The following PSMG2 variants were observed in gnomAD, a reference collection of about 807,000 sequenced individuals.
The protein encoded by PSMG2 is proteasome assembly chaperone 2, also known as CD40 ligand-activated specific transcript 3.
A neutral mutation model predicts 31.5 loss-of-function variants in PSMG2; 21 were observed. The ratio of observed to expected loss-of-function variants is 0.67; its 90% CI spans 0.47 to 0.96. The LOEUF is 0.96. Ranked by LOEUF, PSMG2 falls within the 40% of genes least tolerant of loss-of-function variation. The pLI, the probability that PSMG2 is intolerant of heterozygous loss-of-function variation, is 0.00. For missense variants in PSMG2, 318 were observed against 321.2 expected, an observed-to-expected ratio of 0.99 and a Z score of 0.08; for synonymous variants, 120 against 110.4, an observed-to-expected ratio of 1.09 and a Z score of -0.54.
chr18:12,675,134 C>T (rs968782149), intron 1 of PSMG2, among the ~76,000 whole-genome samples: 1 of 152,138 alleles, frequency 6.6e-6, no homozygotes, highest in African/African-American at 2.4e-5. Flanking sequence ...CGGTGGCTCA[C>T]GCCTGTAATC....
In PSMG2 at chr18:12,720,698, C is replaced by G. The variant is rs1326696658; in HGVS notation, c.581+15C>G. The stretch of plus-strand genomic sequence containing the variant: ...TATGATGAAAGGTGAGTTTGTTTGC[C>G]TGTTCATTTGTTTCCCACTTTACTT... On this transcript the variant is annotated intron_variant, in intron 5 of 6. Coordinates refer to ENST00000317615, the MANE Select transcript of PSMG2 (RefSeq NM_020232.5). 1.9e-6 allele frequency: 3 copies of G among 1,603,038 alleles called. No homozygotes were observed. The highest frequency in any genetic ancestry group is 1.7e-5 in the Admixed American group (1 of 57,298).
At chr18:12,699,316 A>T (rs756889849), upstream of PSMG2, 7 of 697,754 alleles carry the variant, frequency 1.0e-5, no homozygotes, top group Admixed American at 5.9e-5. Flanking sequence ...AAAGACTAAA[A>T]AAAAAGCAAA....
chr18:12,720,450 G>C, intron 4 of PSMG2, 60 bp from the exon 5 acceptor site: 1 of 1,352,412 alleles, frequency 7.4e-7, no homozygotes, highest in Non-Finnish European at 1.0e-6. Context: ...GAGAATTTTA[G>C]CTAAAGAACC....
chr18:12,716,409 T>C (rs2145145835), intron 3 of PSMG2, among the ~76,000 whole-genome samples: 1 of 151,302 alleles, frequency 6.6e-6, no homozygotes, highest in African/African-American at 2.4e-5. Flanking sequence ...TTTTTTTTTT[T>C]TTGAGACGGA....
chr18:12,674,443 A>T, intron 1 of PSMG2: 5 of 172,660 alleles, frequency 2.9e-5, no homozygotes, highest in African/African-American at 3.6e-5. Flanking sequence ...CCTTGAGTTA[A>T]AAAAAAAAAA....
At chr18:12,701,308 T>C (rs970825476), upstream of PSMG2, among the ~76,000 whole-genome samples, 1 of 152,192 alleles carries the variant, frequency 6.6e-6, no homozygotes, top group African/African-American at 2.4e-5. Context: ...ATCTGGCACC[T>C]TTGTTACCAT....
At chr18:12,681,827 C>T (rs1271812048) in intron 1 of PSMG2, among the ~76,000 whole-genome samples, 1 of 151,500 alleles carries the variant, frequency 6.6e-6, no homozygotes. Flanking sequence ...TTATAAAGAC[C>T]TATAAAAAAA....
intron 5 of PSMG2, among the ~76,000 whole-genome samples, chr18:12,722,107 A>C (rs1032158082): frequency 6.6e-6 from 1 of 151,914 alleles, no homozygotes; most frequent in South Asian, 2.1e-4. Flanking sequence ...CTCCCACTGC[A>C]CTCCACCTCT....
At position 12,725,487 on chromosome 18, in the gene PSMG2, T is replaced by A; in HGVS notation, c.751T>A (p.Trp251Arg). ...SASRWKIPSS[W>R]RLLFGSGLPP... ...CTCACGGTGGAAAATACCAAGTTCTTGGAGATTACTCTTTGGCAGTGGTCT... is the reference window on the plus strand; with the variant it reads ...CTCACGGTGGAAAATACCAAGTTCTAGGAGATTACTCTTTGGCAGTGGTCT... The change falls in exon 7 of 7, where the codon TGG becomes AGG. Residue 251 changes from tryptophan to arginine, a missense_variant. Trp to Arg is a moderately radical substitution (Grantham distance 101). Transcript: ENST00000317615. 1.2e-6 allele frequency: 2 copies of A among 1,607,416 alleles called. No individual in the cohort carries two copies. The highest frequency in any genetic ancestry group is 1.7e-6 in the Non-Finnish European group (2 of 1,174,074).
At chr18:12,707,205 G>T (rs371825161) in intron 2 of PSMG2, among the ~76,000 whole-genome samples, 1 of 152,070 alleles carries the variant, frequency 6.6e-6, no homozygotes, top group African/African-American at 2.4e-5. Flanking sequence ...TGATCCAACC[G>T]CCTCAGCCTT....
At chr18:12,662,894 C>G (rs1045003810) in intron 1 of PSMG2, among the ~76,000 whole-genome samples, 1 of 152,164 alleles carries the variant, frequency 6.6e-6, no homozygotes, top group Admixed American at 6.6e-5. Context: ...AAGCAATAAT[C>G]ACGTTTCACC....
intron 1 of PSMG2, among the ~76,000 whole-genome samples, chr18:12,704,942 G>C (rs1294593164): frequency 6.6e-6 from 1 of 152,138 alleles, no homozygotes; most frequent in Non-Finnish European, 1.5e-5. Context: ...GTTGTTGGAA[G>C]AATGCAAAGG....
intron 1 of PSMG2, among the ~76,000 whole-genome samples, chr18:12,696,130 GAA>G (rs1338649228): frequency 1.3e-5 from 2 of 152,090 alleles, no homozygotes; most frequent in Non-Finnish European, 2.9e-5. Flanking sequence ...TATTGTTTTT[GAA>G]AATAAATTTC....
At chr18:12,693,509 G>A (rs945549494) in intron 1 of PSMG2, among the ~76,000 whole-genome samples, 3 of 152,096 alleles carry the variant, frequency 2.0e-5, no homozygotes, top group African/African-American at 7.2e-5. Context: ...ATAAATATAT[G>A]AATAACATGA....
chr18:12,707,139 A>C (rs971799694), intron 2 of PSMG2, among the ~76,000 whole-genome samples: 2 of 152,158 alleles, frequency 1.3e-5, no homozygotes, highest in Admixed American at 1.3e-4. Flanking sequence ...GTATTTTTTT[A>C]GTAGAGACGG....
intron 3 of PSMG2, 124 bp downstream of exon 3, chr18:12,712,884 C>A: frequency 3.2e-6 from 2 of 620,232 alleles, no homozygotes; most frequent in Non-Finnish European, 5.4e-6. Flanking sequence ...TCTGATTCTA[C>A]AGAGAAATAA....
chr18:12,672,881 T>A (rs2038983004), intron 1 of PSMG2: 1 of 985,340 alleles, frequency 1.0e-6, no homozygotes, highest in African/African-American at 1.7e-5. Flanking sequence ...ACCACAAAAG[T>A]GGTAATTCAT....
In PSMG2 at chr18:12,724,521, G is replaced by T; in HGVS notation, c.604G>T (p.Ala202Ser). ...DESCSKEIQM[A>S]VLLKFVSEGD... Reference sequence around the variant, plus strand: ...TAGCTGTTCTAAAGAAATCCAAATGGCAGTTCTGCTGAAATTTGTTTCAGA... The same window carrying T: ...TAGCTGTTCTAAAGAAATCCAAATGTCAGTTCTGCTGAAATTTGTTTCAGA... The change falls in exon 6 of 7, where the codon GCA (alanine) becomes TCA (serine). Residue 202 changes from alanine to serine, a missense_variant. By Grantham distance (99) the Ala-to-Ser change is moderately conservative (BLOSUM62 1). Transcript: ENST00000317615. The T allele has an allele frequency of 6.2e-7, 1 of 1,605,576 alleles. No individual in the cohort carries two copies. Among genetic ancestry groups the T allele is most frequent in the Non-Finnish European group, 8.5e-7 (1 of 1,176,598 alleles).
At chr18:12,714,515 G>A (rs141774262) in intron 3 of PSMG2, among the ~76,000 whole-genome samples, 18 of 150,216 alleles carry the variant, frequency 1.2e-4, no homozygotes, top group African/African-American at 3.7e-4. Flanking sequence ...CTTGAAACAG[G>A]GTCTCTCTTG....
Sources: gnomAD v4.1 joint callset for allele counts (sites outside exome capture counted in the v4.1 genomes callset) on GRCh38, gnomAD v4.1.1 for gene constraint, MANE v1.5 for transcripts, NCBI Gene and HGNC (gene_info 2026-07-23, HGNC 2026-07-21) for gene names.